The following MLIP variants were observed in gnomAD, a reference collection of about 807,000 sequenced individuals.
MLIP encodes muscular LMNA interacting protein, also known as muscular LMNA-interacting protein.
A neutral mutation model predicts 84.8 loss-of-function variants in MLIP; 79 were observed. The ratio of observed to expected loss-of-function variants is 0.93; its 90% CI spans 0.78 to 1.12. The LOEUF is 1.12. MLIP is among the 50% of genes most tolerant of loss of function. The pLI, the probability that MLIP is intolerant of heterozygous loss-of-function variation, is 0.00. For missense variants in MLIP, 1,257 were observed against 1,160.6 expected (o/e 1.08, Z -1.21); for synonymous variants, 504 against 463.0 (o/e 1.09, Z -1.14).
intron 12 of MLIP, among the ~76,000 whole-genome samples, chr6:54,253,685 A>C (rs758082376): frequency 1.4e-4 from 21 of 152,248 alleles, no homozygotes; most frequent in Non-Finnish European, 2.2e-4. Flanking sequence ...TTACCTTGGA[A>C]GAGGCAGTGA....
chr6:54,258,384 G>A (rs1362555851), intron 13 of MLIP, among the ~76,000 whole-genome samples: 1 of 152,066 alleles, frequency 6.6e-6, no homozygotes, highest in Admixed American at 6.6e-5. Flanking sequence ...TAAGACTGAT[G>A]TGGCTTTTTG....
At position 54,105,114 on chromosome 6, in the gene MLIP, G is replaced by C. The variant is rs150465529; in HGVS notation, c.64-16333G>C. Among the ~76,000 whole-genome samples the C allele has an allele frequency of 9.0e-3, 1,365 of 152,222 alleles. 25 individuals carry two copies. Among genetic ancestry groups the C allele is most frequent in the African/African-American group, 0.03 (1,257 of 41,538 alleles). On this transcript the variant is annotated intron_variant, in intron 1 of 12. Coordinates refer to the MLIP transcript ENST00000274897. ...CTCACCCAAGACCTCACAGCTATTT[G>C]GTGGAAAATCAGGAGACCAGAACCT...
At chr6:54,255,133 A>C (rs1327768415) in intron 12 of MLIP, among the ~76,000 whole-genome samples, 1 of 151,670 alleles carries the variant, frequency 6.6e-6, no homozygotes, top group Non-Finnish European at 1.5e-5. Context: ...TACTCCATTC[A>C]CTTCCCCTGT....
intron 13 of MLIP, among the ~76,000 whole-genome samples, chr6:54,260,314 G>T (rs1339805414): frequency 6.6e-6 from 1 of 151,824 alleles, no homozygotes; most frequent in South Asian, 2.1e-4. Flanking sequence ...TAGCTCAGTG[G>T]TTCTCAACCC....
intron 1 of MLIP, among the ~76,000 whole-genome samples, chr6:54,020,428 A>T (rs1763431837): frequency 6.6e-6 from 1 of 152,242 alleles, no homozygotes; most frequent in Non-Finnish European, 1.5e-5. Context: ...TATGGTAAGC[A>T]TAAAGGCTTA....
rs774238409 is a variant in MLIP at position 54,202,215 on chromosome 6, C to T, written c.2700C>T (p.Ser900=). The change falls in exon 11 of 14, where the codon AGC becomes AGT. Residue 900 remains serine (S), a synonymous_variant. Coordinates refer to ENST00000502396, the MANE Select transcript of MLIP (RefSeq NM_001281747.2). ...TCAGTAAATACTTGGAAGATAACAG[C>T]GACCTCTTTTCTGAACAGGTGAGCA... is the stretch of plus-strand genomic sequence containing the variant. ...NPFSKYLEDN[S]DLFSEQDVTV... 17 of 1,571,536 alleles carry T rather than the reference C, an allele frequency of 1.1e-5. No individual in the cohort carries two copies. Among genetic ancestry groups the T allele is most frequent in the African/African-American group, 6.8e-5 (5 of 73,344 alleles).
intron 1 of MLIP, among the ~76,000 whole-genome samples, chr6:54,062,253 T>A (rs535891949): frequency 3.3e-5 from 5 of 152,340 alleles, no homozygotes; most frequent in Admixed American, 1.3e-4. Flanking sequence ...TATTCCTAAA[T>A]GAGTTGTTCT....
At chr6:54,265,106 C>T (rs979590696) in intron 13 of MLIP, among the ~76,000 whole-genome samples, 8 of 151,976 alleles carry the variant, frequency 5.3e-5, no homozygotes, top group South Asian at 2.1e-4. Context: ...CCAGGCATTT[C>T]GGAAGGTTCC....
At chr6:54,114,591 C>T (rs374523776) in intron 1 of MLIP, among the ~76,000 whole-genome samples, 4 of 152,280 alleles carry the variant, frequency 2.6e-5, no homozygotes, top group Middle Eastern at 3.4e-3. Flanking sequence ...ATTCAACTCA[C>T]CAGTTTTTCT....
chr6:54,253,120 A>G (rs1782755590), intron 12 of MLIP, among the ~76,000 whole-genome samples: 1 of 152,130 alleles, frequency 6.6e-6, no homozygotes, highest in South Asian at 2.1e-4. Context: ...AGTTTTAGTT[A>G]TTTATAATCT....
In MLIP at chr6:54,160,503, T is replaced by G. The variant is rs753349648; in HGVS notation, c.2356-13T>G. On this transcript the variant is annotated splice_polypyrimidine_tract_variant and intron_variant, in intron 6 of 13. Transcript: ENST00000502396. The stretch of plus-strand genomic sequence containing the variant: ...CTTATTGCTAACCCAGTACCTGGTT[T>G]CAATTCTTCCAGCTCTATTTTCCTG... The G allele has an allele frequency of 1.2e-6, 2 of 1,612,208 alleles. No homozygotes were observed. The highest frequency in any genetic ancestry group is 1.7e-6 in the Non-Finnish European group (2 of 1,178,964).
intron 12 of MLIP, among the ~76,000 whole-genome samples, chr6:54,238,191 T>A (rs538376379): frequency 1.3e-5 from 2 of 152,298 alleles, no homozygotes; most frequent in East Asian, 3.9e-4. Context: ...CTAGGCACCA[T>A]AAGTATGTGG....
At chr6:54,177,123 A>G (rs985122564) in intron 9 of MLIP, among the ~76,000 whole-genome samples, 1 of 152,162 alleles carries the variant, frequency 6.6e-6, no homozygotes, top group African/African-American at 2.4e-5. Context: ...AGGCAATACC[A>G]TTCAGGACTG....
At chr6:54,254,021 A>G (rs1328738804) in intron 12 of MLIP, among the ~76,000 whole-genome samples, 4 of 149,000 alleles carry the variant, frequency 2.7e-5, no homozygotes. Context: ...TGTTTTCCAC[A>G]GTGTTTACCA....
intron 3 of MLIP, among the ~76,000 whole-genome samples, chr6:54,128,356 G>T (rs910883108): frequency 1.1e-4 from 16 of 152,068 alleles, no homozygotes; most frequent in Admixed American, 7.9e-4. Flanking sequence ...TAGGAAGACA[G>T]GATTCAAGCC....
At chr6:54,100,693 C>A (rs1465922023) in intron 1 of MLIP, among the ~76,000 whole-genome samples, 3 of 152,078 alleles carry the variant, frequency 2.0e-5, no homozygotes, top group Admixed American at 2.0e-4. Flanking sequence ...CTGTGGTAGG[C>A]ACACAACCAT....
intron 11 of MLIP, among the ~76,000 whole-genome samples, chr6:54,225,237 C>G (rs1780497032): frequency 6.6e-6 from 1 of 152,112 alleles, no homozygotes; most frequent in Non-Finnish European, 1.5e-5. Flanking sequence ...TTACCTTACA[C>G]AAGCCTAGAT....
chr6:54,030,140 A>T (rs1764042769), intron 1 of MLIP, among the ~76,000 whole-genome samples: 1 of 152,190 alleles, frequency 6.6e-6, no homozygotes, highest in Non-Finnish European at 1.5e-5. Context: ...TTACTTTCCC[A>T]CTAGGAAGTG....
At chr6:54,113,200 A>G (rs578107895) in intron 1 of MLIP, among the ~76,000 whole-genome samples, 11 of 152,296 alleles carry the variant, frequency 7.2e-5, no homozygotes, top group African/African-American at 2.4e-4. Flanking sequence ...AGATAAGGGA[A>G]GGCCTAGTTA....
Sources: allele counts gnomAD v4.1 joint callset (sites outside exome capture counted in the v4.1 genomes callset), GRCh38; gene constraint gnomAD v4.1.1; transcripts MANE v1.5; gene names NCBI Gene and HGNC (gene_info 2026-07-23, HGNC 2026-07-21).